The following USP42 variants were observed in gnomAD, a reference collection of about 807,000 sequenced individuals.
USP42 encodes the protein ubiquitin carboxyl-terminal hydrolase 42.
USP42 carries 23 observed loss-of-function variants against 113.0 expected under a neutral mutation model. The observed-to-expected ratio is 0.20, with a 90% CI of 0.15 to 0.29. USP42 has a LOEUF of 0.29. Among genes scored for constraint, USP42 ranks in the 10% least tolerant of loss-of-function variants. The pLI is 1.00. For synonymous variants in USP42, 933 were observed against 699.0 expected (o/e 1.33, Z -5.28); for missense variants, 2,174 against 1,779.8 (o/e 1.22, Z -3.99).
intron 2 of USP42, among the ~76,000 whole-genome samples, chr7:6,114,893 T>G (rs758334710): frequency 1.3e-5 from 2 of 151,444 alleles, no homozygotes; most frequent in African/African-American, 4.9e-5. Context: ...GGTTTCACCT[T>G]GTTAGCCAGG....
Position 6,158,514 on chromosome 7 carries a change from A to G in USP42, c.3944-936A>G, listed in dbSNP as rs535394639. Among the ~76,000 whole-genome samples, 80 of 152,102 alleles carry G rather than the reference A, an allele frequency of 5.3e-4. No individual in the cohort carries two copies. The highest frequency in any genetic ancestry group is 1.9e-3 in the African/African-American group (79 of 41,496). On this transcript the variant is annotated intron_variant, in intron 16 of 17. Transcript: ENST00000306177. This position sits in a 1 kb window ranked among gnomAD's most constrained non-coding sequence, Gnocchi z 4.2. ...TCCCAGCAGCCCAGAGCCAGCATGC[A>G]TTGTTGATTGAGGGGTAAACGGTCC...
intron 4 of USP42, 69 bp downstream of exon 4, chr7:6,136,020 T>C: frequency 2.0e-6 from 2 of 989,336 alleles, no homozygotes; most frequent in Non-Finnish European, 2.9e-6. Flanking sequence ...TTTTTTTTTT[T>C]TCGAGACAGA....
rs1562866185 is a variant in USP42, at chr7:6,160,598, TATA to T, written c.*82_*84del. On this transcript the variant is annotated 3_prime_UTR_variant, in exon 18 of 18. Transcript: ENST00000306177. The stretch of plus-strand genomic sequence containing the variant: ...AAGCCATCCCCAGCCCAGCTTAAAT[TATA>T]AAGATAGACAATAACTCTGTTCCAA... 1 of 152,666 alleles carries T rather than the reference TATA, an allele frequency of 6.6e-6. No homozygotes were observed. The highest frequency in any genetic ancestry group is 6.5e-5 in the Admixed American group (1 of 15,284). 9.5% of individuals were successfully genotyped at this position (152,666 alleles called of 1,614,324 possible). A position where few individuals can be genotyped will look rare whatever the true frequency, so the allele number is the denominator to read the frequency against.
At chr7:6,124,535 A>G (rs1298002640) in intron 3 of USP42, among the ~76,000 whole-genome samples, 6 of 152,176 alleles carry the variant, frequency 3.9e-5, no homozygotes, top group Non-Finnish European at 8.8e-5. Context: ...AAGTGCTGGG[A>G]TTACAGGAGT....
intron 14 of USP42, among the ~76,000 whole-genome samples, chr7:6,151,609 T>C (rs1782054903): frequency 6.6e-6 from 1 of 152,106 alleles, no homozygotes; most frequent in Non-Finnish European, 1.5e-5. Flanking sequence ...AGCTAATTTT[T>C]TTTTTGTATT....
At chr7:6,111,079 C>G in intron 1 of USP42, 46 bp from the exon 2 acceptor site, 1 of 1,564,814 alleles carries the variant, frequency 6.4e-7, no homozygotes, top group South Asian at 1.2e-5. Flanking sequence ...AAGGAGATTG[C>G]TTTTCTCACC....
At chr7:6,137,041 G>C (rs1487693962) in intron 4 of USP42, among the ~76,000 whole-genome samples, 1 of 152,142 alleles carries the variant, frequency 6.6e-6, no homozygotes, top group Non-Finnish European at 1.5e-5. Context: ...GTAAGTGCAT[G>C]AAATTTTCTT....
rs1434034642 is a variant in USP42 at position 6,154,008 on chromosome 7, G to C, written c.2454G>C (p.Leu818=). 2 of 1,603,672 alleles carry C rather than the reference G, an allele frequency of 1.2e-6. No homozygotes were observed. Among genetic ancestry groups the C allele is most frequent in the African/African-American group, 1.3e-5 (1 of 75,034 alleles). ...DIVGDTAPPD[L]CDPGSLTGDA... is the part of the protein sequence containing the mutation. The stretch of plus-strand genomic sequence containing the variant: ...TGGGGGACACAGCACCCCCTGACCT[G>C]TGTGATCCCGGGAGCTTAACAGGCG... The change falls in exon 15 of 18, where the codon CTG becomes CTC. Residue 818 remains leucine, a synonymous_variant. Coordinates refer to ENST00000306177, the MANE Select transcript of USP42 (RefSeq NM_032172.3).
At chr7:6,099,860 G>A in the USP42 span, among the ~76,000 whole-genome samples, 4 of 150,630 alleles carry the variant, frequency 2.7e-5, no homozygotes, top group African/African-American at 5.0e-5. Flanking sequence ...CTACCTGGGA[G>A]GCGGAGGCAG....
Position 6,159,531 on chromosome 7 carries a change from G to A in USP42, c.*36+38G>A. The stretch of plus-strand genomic sequence containing the variant: ...CCTGTCTGTTTCCTCATTGTTTGTG[G>A]TGGCGCTGAGGGGACGCAGGCAGAG... On this transcript the variant is annotated intron_variant, in intron 17 of 17. Transcript: ENST00000306177. This position sits in a 1 kb window ranked among gnomAD's most constrained non-coding sequence, Gnocchi z 4.1. The A allele has an allele frequency of 4.4e-6, 7 of 1,592,302 alleles. No individual in the cohort carries two copies. In the South Asian group the frequency reaches 7.7e-5, roughly 18 times the overall value.
At chr7:6,085,452 G>A in the USP42 span, among the ~76,000 whole-genome samples, 4 of 149,386 alleles carry the variant, frequency 2.7e-5, no homozygotes, top group Non-Finnish European at 5.9e-5. Context: ...GTTGGAACTC[G>A]TAAAACGGAA....
chr7:6,126,251 G>A (rs1229546615), intron 3 of USP42, among the ~76,000 whole-genome samples: 1 of 151,516 alleles, frequency 6.6e-6, no homozygotes, highest in Non-Finnish European at 1.5e-5. Flanking sequence ...TCTTTCATTG[G>A]TAGGTAGTAT....
intron 15 of USP42, among the ~76,000 whole-genome samples, chr7:6,155,943 G>A (rs1782424465): frequency 6.6e-6 from 1 of 152,148 alleles, no homozygotes; most frequent in African/African-American, 2.4e-5. Flanking sequence ...TTTTTGTAAA[G>A]ACAGGATCTC....
intron 9 of USP42, among the ~76,000 whole-genome samples, chr7:6,144,673 C>T (rs1562840380): frequency 6.6e-6 from 1 of 152,076 alleles, no homozygotes; most frequent in African/African-American, 2.4e-5. Context: ...AGTTTGAGAC[C>T]ACTCTGGCGA....
At chr7:6,113,938 T>C (rs1322950635) in intron 2 of USP42, among the ~76,000 whole-genome samples, 1 of 152,196 alleles carries the variant, frequency 6.6e-6, no homozygotes, top group Non-Finnish European at 1.5e-5. Context: ...AGCCTTCTGT[T>C]AGAGCACTGG....
At chr7:6,146,384 G>A (rs759307000) in intron 11 of USP42, 136 bp downstream of exon 11, 3 of 642,036 alleles carry the variant, frequency 4.7e-6, no homozygotes, top group Non-Finnish European at 7.7e-6. Flanking sequence ...TCTAGCCTGG[G>A]CATGGTGCCT....
chr7:6,106,109 C>T (rs1205312776), intron 1 of USP42, among the ~76,000 whole-genome samples: 1 of 152,178 alleles, frequency 6.6e-6, no homozygotes, highest in Non-Finnish European at 1.5e-5. Context: ...TGATCAGTTT[C>T]ACTTATTTGT....
At chr7:6,130,509 T>G (rs1055945888) in intron 3 of USP42, among the ~76,000 whole-genome samples, 4 of 152,072 alleles carry the variant, frequency 2.6e-5, no homozygotes, top group Non-Finnish European at 4.4e-5. Context: ...AAATCTGGGC[T>G]CCCCACATGA....
In USP42 at chr7:6,115,327, A is replaced by G. The variant is rs1482842251; in HGVS notation, c.246A>G (p.Leu82=). 1.2e-6 allele frequency: 2 copies of G among 1,613,860 alleles called. No homozygotes were observed. Among genetic ancestry groups the G allele is most frequent in the Non-Finnish European group, 1.7e-6 (2 of 1,179,848 alleles). The change falls in exon 3 of 18, where the codon CTA becomes CTG. Residue 82 remains leucine, a synonymous_variant. Coordinates refer to ENST00000306177, the MANE Select transcript of USP42 (RefSeq NM_032172.3). ...SKPSPQKDQA[L]GDGIAPPQKV... ...CTTTCTTGTTTATTTTTCTAGCCCT[A>G]GGTGATGGCATCGCTCCTCCACAGA...
Sources: allele counts gnomAD v4.1 joint callset (sites outside exome capture counted in the v4.1 genomes callset), GRCh38; gene constraint gnomAD v4.1.1; non-coding constraint Gnocchi (gnomAD v3.1); transcripts MANE v1.5; gene names NCBI Gene and HGNC (gene_info 2026-07-23, HGNC 2026-07-21).